The following GRM7 variants were observed in gnomAD, a reference collection of about 807,000 sequenced individuals.
The protein encoded by GRM7 is glutamate metabotropic receptor 7.
In GRM7, 35 loss-of-function variants were observed where a neutral mutation model predicts 84.5. The ratio of observed to expected loss-of-function variants is 0.41; its 90% CI spans 0.32 to 0.55. GRM7 has a LOEUF of 0.55. GRM7 is among the 20% of genes least tolerant of loss of function. GRM7 has a pLI of 0.19. For synonymous variants in GRM7, 487 were observed against 455.1 expected (o/e 1.07, Z -0.89); for missense variants, 1,003 against 1,194.6 (o/e 0.84, Z 2.36).
At chr3:7,033,515 C>A (rs574497926) in intron 1 of GRM7, among the ~76,000 whole-genome samples, 1 of 152,268 alleles carries the variant, frequency 6.6e-6, no homozygotes, top group East Asian at 1.9e-4. Flanking sequence ...TCTTCTCATG[C>A]TCAACATATA....
At chr3:7,547,296 C>T (rs1042397599) in intron 7 of GRM7, among the ~76,000 whole-genome samples, 4 of 150,644 alleles carry the variant, frequency 2.7e-5, no homozygotes, top group South Asian at 4.2e-4. Flanking sequence ...AAGCTCCACC[C>T]CCCGGGTTCA....
rs116502827 is a variant in GRM7 at position 7,034,727 on chromosome 3, A to G, written c.520-111725A>G. 6.7e-3 allele frequency among the ~76,000 whole-genome samples: 1,013 copies of G among 152,310 alleles called. 11 individuals carry two copies. Among genetic ancestry groups the G allele is most frequent in the African/African-American group, 0.023 (945 of 41,574 alleles). On this transcript the variant is annotated intron_variant, in intron 1 of 9. Coordinates refer to ENST00000357716, the MANE Select transcript of GRM7 (RefSeq NM_000844.4). The stretch of plus-strand genomic sequence containing the variant: ...CAGTAAGAAGTCACATGAGCTGTGT[A>G]TAGTTGCCAGAACCCAAAGCAGTTA...
chr3:7,648,075 T>C (rs962878298), intron 8 of GRM7, among the ~76,000 whole-genome samples: 10 of 152,134 alleles, frequency 6.6e-5, no homozygotes, highest in Non-Finnish European at 2.9e-5. Flanking sequence ...AGGCCCTAGA[T>C]GTAAACCAGG....
chr3:7,390,129 A>T (rs1694933651), intron 4 of GRM7, among the ~76,000 whole-genome samples: 1 of 152,064 alleles, frequency 6.6e-6, no homozygotes, highest in Non-Finnish European at 1.5e-5. Flanking sequence ...ATTTGGTGGG[A>T]TATTAAATTC....
intron 8 of GRM7, among the ~76,000 whole-genome samples, chr3:7,630,646 C>G (rs1055861539): frequency 6.6e-6 from 1 of 152,130 alleles, no homozygotes; most frequent in Non-Finnish European, 1.5e-5. Flanking sequence ...CCTCTGTTTC[C>G]CATGAGAGCA....
At chr3:7,103,846 C>T (rs368078247) in intron 1 of GRM7, among the ~76,000 whole-genome samples, 1 of 111,490 alleles carries the variant, frequency 9.0e-6, no homozygotes, top group African/African-American at 4.6e-5. Context: ...CTCTCCCTCT[C>T]TCTCTCTCTC....
At chr3:6,864,872 C>T (rs1364420296) in intron 1 of GRM7, among the ~76,000 whole-genome samples, 3 of 152,340 alleles carry the variant, frequency 2.0e-5, no homozygotes, top group Non-Finnish European at 4.4e-5. Flanking sequence ...AATGACTCCT[C>T]AGATGTAAAT....
intron 1 of GRM7, among the ~76,000 whole-genome samples, chr3:7,099,502 ATG>A (rs1437925393): frequency 5.5e-4 from 81 of 146,760 alleles, no homozygotes; most frequent in Admixed American, 9.7e-4. Flanking sequence ...CGCATTATAC[ATG>A]TACACATATA....
At chr3:7,645,923 A>C (rs904264565) in intron 8 of GRM7, among the ~76,000 whole-genome samples, 1 of 151,716 alleles carries the variant, frequency 6.6e-6, no homozygotes, top group Non-Finnish European at 1.5e-5. Flanking sequence ...TTATTTTGTC[A>C]TTACTTGGGG....
At position 7,740,635 on chromosome 3, in the gene GRM7, A is replaced by G. The variant is rs1175258576; in HGVS notation, c.*229A>G. On this transcript the variant is annotated 3_prime_UTR_variant, in exon 10 of 10. Coordinates refer to ENST00000357716, the MANE Select transcript of GRM7 (RefSeq NM_000844.4). ...CATCAGCACTGCCAACTCGGCTGCAATTGTGGACCTTCCCTACCAAAGGGA... is the reference window on the plus strand; with the variant it reads ...CATCAGCACTGCCAACTCGGCTGCAGTTGTGGACCTTCCCTACCAAAGGGA... 2.6e-6 allele frequency: 1 copy of G among 391,362 alleles called. No individual in the cohort carries two copies. Among genetic ancestry groups the G allele is most frequent in the Non-Finnish European group, 4.5e-6 (1 of 221,604 alleles). 24.2% of individuals were successfully genotyped at this position (391,362 alleles called of 1,614,324 possible).
At chr3:6,931,619 C>G (rs895289117) in intron 1 of GRM7, among the ~76,000 whole-genome samples, 1 of 152,204 alleles carries the variant, frequency 6.6e-6, no homozygotes, top group Non-Finnish European at 1.5e-5. Context: ...CTTATTTACT[C>G]TAAGAAACGA....
chr3:7,204,890 T>C (rs1696184873), intron 2 of GRM7, among the ~76,000 whole-genome samples: 1 of 152,242 alleles, frequency 6.6e-6, no homozygotes, highest in African/African-American at 2.4e-5. Context: ...ATGTTGGGGA[T>C]TTCTGAGCTG....
intron 8 of GRM7, among the ~76,000 whole-genome samples, chr3:7,610,948 AT>A (rs918448939): frequency 4.6e-5 from 7 of 152,036 alleles, no homozygotes; most frequent in Non-Finnish European, 7.4e-5. Flanking sequence ...AATGTATAAT[AT>A]TTTTTTTGGT....
intron 2 of GRM7, among the ~76,000 whole-genome samples, chr3:7,173,545 T>C (rs1290712954): frequency 6.6e-6 from 1 of 152,236 alleles, no homozygotes; most frequent in East Asian, 1.9e-4. Flanking sequence ...AACTTGGCCC[T>C]GCTTGGATCA....
At chr3:7,372,567 C>T (rs1307622994) in intron 4 of GRM7, among the ~76,000 whole-genome samples, 1 of 152,146 alleles carries the variant, frequency 6.6e-6, no homozygotes, top group African/African-American at 2.4e-5. Flanking sequence ...AGTTTAGACA[C>T]TGTGATATTT....
chr3:7,299,666 ATGT>A (rs1699930292), intron 3 of GRM7, among the ~76,000 whole-genome samples: 1 of 152,186 alleles, frequency 6.6e-6, no homozygotes, highest in Admixed American at 6.5e-5. Context: ...AAATGGTAGC[ATGT>A]TGTGTGCATT....
At chr3:7,653,387 C>G (rs1488728449) in intron 8 of GRM7, among the ~76,000 whole-genome samples, 2 of 151,836 alleles carry the variant, frequency 1.3e-5, no homozygotes, top group East Asian at 1.9e-4. Flanking sequence ...AGATGTGGTC[C>G]AGGGTCAGAT....
intron 9 of GRM7, chr3:7,693,541 C>T: frequency 1.3e-6 from 1 of 781,756 alleles, no homozygotes; most frequent in East Asian, 2.7e-5. Context: ...CTCTTTCCCT[C>T]ATTTTTGTCA....
At chr3:7,561,702 C>A in intron 7 of GRM7, 1 of 345,056 alleles carries the variant, frequency 2.9e-6, no homozygotes. Context: ...CCTAACTTCT[C>A]AATGCAAAAA....
Sources: gnomAD v4.1 joint callset for allele counts (sites outside exome capture counted in the v4.1 genomes callset) on GRCh38, gnomAD v4.1.1 for gene constraint, MANE v1.5 for transcripts, NCBI Gene and HGNC (gene_info 2026-07-23, HGNC 2026-07-21) for gene names.